MTAP: variants seen among roughly 807,000 people sequenced by gnomAD.
MTAP encodes the protein methylthioadenosine phosphorylase.
In MTAP, 33 loss-of-function variants were observed where a neutral mutation model predicts 33.6. That is an observed-to-expected ratio of 0.98 (90% confidence interval 0.74 to 1.31). The LOEUF (loss-of-function observed/expected upper bound fraction) is 1.31. MTAP is among the 40% of genes most tolerant of loss of function. The pLI is 0.00. For missense variants in MTAP, 367 were observed against 360.0 expected (o/e 1.02, Z -0.16); for synonymous variants, 148 against 125.7 (o/e 1.18, Z -1.19).
chr9:21,856,748 C>T (rs1054240922), intron 6 of MTAP, among the ~76,000 whole-genome samples: 3 of 152,148 alleles, frequency 2.0e-5, no homozygotes, highest in African/African-American at 7.2e-5. Context: ...CAAGGAAGGC[C>T]CACAGAAAGA....
At chr9:21,885,718 C>G (rs150594115) in intron 1 of MTAP, among the ~76,000 whole-genome samples, 13 of 151,848 alleles carry the variant, frequency 8.6e-5, no homozygotes, top group African/African-American at 3.1e-4. Flanking sequence ...GTCCCCAAAT[C>G]CATCCAGGTT....
intron 1 of MTAP, among the ~76,000 whole-genome samples, chr9:21,915,026 TCCTTCCTTCCTTCCTTCCTTCC>T (rs1563869397): frequency 3.9e-5 from 4 of 101,782 alleles, no homozygotes; most frequent in African/African-American, 2.2e-4. Context: ...CTTCCTTCCT[TCCTTCCTTCCTTCCTTCCTTCC>T]TTCCTTCCTT....
In MTAP at chr9:21,845,188, C is replaced by G. The variant is rs139521070; in HGVS notation, c.450+7178C>G. Among the ~76,000 whole-genome samples the G allele has an allele frequency of 2.9e-3, 436 of 152,212 alleles. 3 individuals carry two copies. The highest frequency in any genetic ancestry group is 0.01 in the African/African-American group (420 of 41,528). On this transcript the variant is annotated intron_variant, in intron 5 of 7. Coordinates refer to ENST00000644715, the MANE Select transcript of MTAP (RefSeq NM_002451.4). ...TACAGGATGTCCTAGCCAGAGCAATCAGACAAGAGAAAGAAATAAAGGGTA... is the reference window on the plus strand; with the variant it reads ...TACAGGATGTCCTAGCCAGAGCAATGAGACAAGAGAAAGAAATAAAGGGTA...
At position 21,864,565 on chromosome 9, in the gene MTAP, A is replaced by C; in HGVS notation, c.*2551A>C. Reference sequence around the variant, plus strand: ...GGCATGGATTTTCATGGTTTTGAGAATGACATCCTGGCCCTGTGGTCCCCG... The same window carrying C: ...GGCATGGATTTTCATGGTTTTGAGACTGACATCCTGGCCCTGTGGTCCCCG... On this transcript the variant is annotated 3_prime_UTR_variant, in exon 8 of 8. Transcript: ENST00000644715. 3 of 985,496 alleles carry C rather than the reference A, an allele frequency of 3.0e-6. No homozygotes were observed. The highest frequency in any genetic ancestry group is 3.6e-6 in the Non-Finnish European group (3 of 829,994). The allele number at this position is 985,496 out of a possible 1,614,324, so 61.0% of individuals were successfully genotyped here.
chr9:21,889,668 G>T (rs1195043615), intron 1 of MTAP, among the ~76,000 whole-genome samples: 2 of 152,006 alleles, frequency 1.3e-5, no homozygotes, highest in African/African-American at 4.8e-5. Context: ...TGTTCTTCTG[G>T]GTCTAGCCTC....
At chr9:21,829,482 G>A (rs1050345374) in intron 4 of MTAP, among the ~76,000 whole-genome samples, 5 of 151,420 alleles carry the variant, frequency 3.3e-5, no homozygotes, top group African/African-American at 4.9e-5. Flanking sequence ...CTAGACTGCA[G>A]TAATGCAATC....
Position 21,802,738 on chromosome 9 carries a change from C to A in MTAP, c.-11C>A. 1 of 1,612,970 alleles carries A rather than the reference C, an allele frequency of 6.2e-7. No homozygotes were observed. On this transcript the variant is annotated 5_prime_UTR_variant, in exon 1 of 8. Coordinates refer to ENST00000644715, the MANE Select transcript of MTAP (RefSeq NM_002451.4). The stretch of plus-strand genomic sequence containing the variant: ...GCGCTCGCCCACTGCAGATTCCTTT[C>A]CCGTGCAGACATGGCCTCTGGCACC...
chr9:21,870,317 C>T (rs1054259704), downstream of MTAP, among the ~76,000 whole-genome samples: 5 of 152,202 alleles, frequency 3.3e-5, no homozygotes, highest in Admixed American at 3.3e-4. Flanking sequence ...TTGTAACTCC[C>T]AACACACACA....
chr9:21,815,375 C>A, intron 1 of MTAP, 58 bp from the exon 2 acceptor site: 1 of 1,208,358 alleles, frequency 8.3e-7, no homozygotes, highest in South Asian at 1.4e-5. Flanking sequence ...TGCTTAGAAT[C>A]TTATTTCTAA....
rs2118589129 is a variant in MTAP at position 21,863,346 on chromosome 9, C to T, written c.*1332C>T. ...TTGTTGGCCGGGCACAGTTGCTCAT[C>T]CATGTAATCCCAGCACTGTGGGAGG... On this transcript the variant is annotated 3_prime_UTR_variant, in exon 8 of 8. Transcript: ENST00000644715. 1.3e-5 allele frequency: 13 copies of T among 969,122 alleles called. No homozygotes were observed. Among genetic ancestry groups the T allele is most frequent in the Non-Finnish European group, 1.6e-5 (13 of 815,196 alleles). The allele number at this position is 969,122 out of a possible 1,614,324, so 60.0% of individuals were successfully genotyped here. A position where few individuals can be genotyped will look rare whatever the true frequency, so the allele number is the denominator to read the frequency against.
Position 21,843,425 on chromosome 9 carries a change from T to C in MTAP, c.450+5415T>C, listed in dbSNP as rs567565122. ...CTAGAACAAATGGACTTAACAAATATATATACCCAACAACTGCAGAATATA... is the reference window on the plus strand; with the variant it reads ...CTAGAACAAATGGACTTAACAAATACATATACCCAACAACTGCAGAATATA... On this transcript the variant is annotated intron_variant, in intron 5 of 7. Coordinates refer to ENST00000644715, the MANE Select transcript of MTAP (RefSeq NM_002451.4). Among the ~76,000 whole-genome samples the C allele has an allele frequency of 9.9e-5, 15 of 152,116 alleles. No individual in the cohort carries two copies. The South Asian group carries it at 2.7e-3, about 27-fold the overall frequency.
At chr9:21,811,066 G>C (rs114437716) in intron 1 of MTAP, among the ~76,000 whole-genome samples, 5 of 152,360 alleles carry the variant, frequency 3.3e-5, no homozygotes, top group African/African-American at 1.2e-4. Context: ...GCAGTGCTCA[G>C]ATCGGGCTGT....
intron 1 of MTAP, among the ~76,000 whole-genome samples, chr9:21,888,850 A>T (rs370635126): frequency 1.3e-5 from 2 of 152,134 alleles, no homozygotes; most frequent in African/African-American, 4.8e-5. Context: ...CAGGTTATCT[A>T]AAGTCAATAT....
intron 5 of MTAP, among the ~76,000 whole-genome samples, chr9:21,838,473 T>C (rs1260127946): frequency 1.3e-5 from 2 of 152,248 alleles, no homozygotes; most frequent in African/African-American, 4.8e-5. Context: ...AGAGAGTTAA[T>C]ACTTAATGAA....
chr9:21,853,580 AGACTTT>A (rs1825566284), intron 5 of MTAP, among the ~76,000 whole-genome samples: 1 of 152,176 alleles, frequency 6.6e-6, no homozygotes, highest in Non-Finnish European at 1.5e-5. Context: ...CCCAGATTGG[AGACTTT>A]GACTTTGAGT....
chr9:21,930,594 C>A, intron 1 of MTAP: 1 of 363,326 alleles, frequency 2.8e-6, no homozygotes, highest in Non-Finnish European at 4.9e-6. Flanking sequence ...GCCTCCTTGA[C>A]CTATAGCCAA....
chr9:21,810,054 C>T (rs1824307068), intron 1 of MTAP, among the ~76,000 whole-genome samples: 1 of 152,232 alleles, frequency 6.6e-6, no homozygotes, highest in Admixed American at 6.5e-5. Flanking sequence ...CCAAGCTTCT[C>T]TGACTAAAAT....
intron 1 of MTAP, among the ~76,000 whole-genome samples, chr9:21,803,765 A>G (rs561845311): frequency 6.6e-6 from 1 of 152,240 alleles, no homozygotes; most frequent in South Asian, 2.1e-4. Context: ...GGCCTATGGG[A>G]TAGGAAGGTC....
intron 1 of MTAP, among the ~76,000 whole-genome samples, chr9:21,914,548 G>A (rs950591814): frequency 4.7e-5 from 7 of 150,430 alleles, no homozygotes; most frequent in South Asian, 4.2e-4. Flanking sequence ...ACCAAACACC[G>A]CGTGTTCTCA....
Sources: allele counts gnomAD v4.1 joint callset (sites outside exome capture counted in the v4.1 genomes callset), GRCh38; gene constraint gnomAD v4.1.1; transcripts MANE v1.5; gene names NCBI Gene and HGNC (gene_info 2026-07-23, HGNC 2026-07-21).